The following SH3PXD2A variants were observed in gnomAD, a reference collection of about 807,000 sequenced individuals.
The protein encoded by SH3PXD2A is SH3 and PX domain-containing protein 2A.
In SH3PXD2A, 32 loss-of-function variants were observed where a neutral mutation model predicts 115.2. The observed-to-expected ratio is 0.28, with a 90% confidence interval of 0.21 to 0.37. The LOEUF is 0.37. SH3PXD2A is among the 10% of genes least tolerant of loss of function. The probability of loss-of-function intolerance (pLI) is 1.00; values close to 1 mark genes in which losing one functional copy is unlikely to be tolerated. For synonymous variants in SH3PXD2A, 610 were observed against 629.1 expected (o/e 0.97, Z 0.45); for missense variants, 1,328 against 1,498.7 (o/e 0.89, Z 1.88).
intron 7 of SH3PXD2A, among the ~76,000 whole-genome samples, chr10:103,662,432 G>A (rs994683090): frequency 8.9e-6 from 1 of 112,592 alleles, no homozygotes; most frequent in Non-Finnish European, 1.6e-5. Context: ...TCGCTCTGTC[G>A]CCCAGGCCGG....
intron 14 of SH3PXD2A, among the ~76,000 whole-genome samples, chr10:103,604,644 G>C (rs796373908): frequency 4.0e-4 from 61 of 152,322 alleles, no homozygotes; most frequent in African/African-American, 1.5e-3. Flanking sequence ...GGGCCAAGGA[G>C]GGAGGGAAAG....
chr10:103,777,240 C>T (rs971824706), intron 2 of SH3PXD2A, among the ~76,000 whole-genome samples: 1 of 152,248 alleles, frequency 6.6e-6, no homozygotes, highest in African/African-American at 2.4e-5. Context: ...TCTTATCACC[C>T]CTGTCACCAT....
chr10:103,614,588 T>G (rs1479541289), intron 11 of SH3PXD2A, among the ~76,000 whole-genome samples: 2 of 152,190 alleles, frequency 1.3e-5, no homozygotes, highest in African/African-American at 4.8e-5. Context: ...AGCTTTTCCT[T>G]TTTTCCTCGT....
Position 103,668,660 on chromosome 10 carries a change from G to C in SH3PXD2A, c.428-8C>G. ...CCCAGCTGGACAGCCACACTTCCGAGTCCCCGAGAGCAAGCGGCAGCAGGA... is the reference window on the plus strand; with the variant it reads ...CCCAGCTGGACAGCCACACTTCCGACTCCCCGAGAGCAAGCGGCAGCAGGA... On this transcript the variant is annotated splice_region_variant and splice_polypyrimidine_tract_variant and intron_variant, in intron 6 of 14. Coordinates refer to ENST00000369774, the MANE Select transcript of SH3PXD2A (RefSeq NM_001394015.1). 6.4e-7 allele frequency: 1 copy of C among 1,559,106 alleles called. No individual in the cohort carries two copies. Among genetic ancestry groups the C allele is most frequent in the African/African-American group, 1.4e-5 (1 of 73,446 alleles).
rs763970493 is a variant in SH3PXD2A at position 103,598,365 on chromosome 10, G to C, written c.*3451C>G. The stretch of plus-strand genomic sequence containing the variant: ...AGGAGGAGAGGGGCAACACAGCCAG[G>C]TCTGCTGTCACAAAGAGGGATGAGG... On this transcript the variant is annotated 3_prime_UTR_variant, in exon 15 of 15. Transcript: ENST00000369774. The C allele has an allele frequency of 6.6e-6, 1 of 152,538 alleles. No homozygotes were observed. Among genetic ancestry groups the C allele is most frequent in the Non-Finnish European group, 1.5e-5 (1 of 68,042 alleles). 9.4% of individuals were successfully genotyped at this position (152,538 alleles called of 1,614,324 possible). A position where few individuals can be genotyped will look rare whatever the true frequency, so the allele number is the denominator to read the frequency against.
In SH3PXD2A at chr10:103,627,301, C is replaced by G; in HGVS notation, c.605-99G>C. 1 of 719,468 alleles carries G rather than the reference C, an allele frequency of 1.4e-6. No homozygotes were observed. The highest frequency in any genetic ancestry group is 2.4e-6 in the Non-Finnish European group (1 of 409,082). The allele number at this position is 719,468 out of a possible 1,614,324, so 44.6% of individuals were successfully genotyped here. On this transcript the variant is annotated intron_variant, in intron 8 of 14. Coordinates refer to ENST00000369774, the MANE Select transcript of SH3PXD2A (RefSeq NM_001394015.1). The surrounding 1 kb of genome is among the most constrained non-coding windows in gnomAD (Gnocchi z 4.4). ...AGGATGGAAGGAGAGGCACAAGAAG[C>G]GGAGCATGGAGCCAGATGGCCTGGG...
intron 1 of SH3PXD2A, among the ~76,000 whole-genome samples, chr10:103,851,909 G>A (rs1016952598): frequency 3.3e-5 from 5 of 152,152 alleles, no homozygotes; most frequent in Admixed American, 6.5e-5. Flanking sequence ...TTAGATAAAC[G>A]AGCTTTTCTC....
chr10:103,691,650 G>A (rs2037753094), intron 6 of SH3PXD2A, among the ~76,000 whole-genome samples: 1 of 152,098 alleles, frequency 6.6e-6, no homozygotes. Flanking sequence ...TGATAGGCAA[G>A]TGCACACACA....
intron 5 of SH3PXD2A, among the ~76,000 whole-genome samples, chr10:103,709,926 C>T (rs1490349726): frequency 6.6e-6 from 1 of 151,626 alleles, no homozygotes; most frequent in Non-Finnish European, 1.5e-5. Context: ...ACCAACATGG[C>T]AAAACCTTGT....
intron 2 of SH3PXD2A, among the ~76,000 whole-genome samples, chr10:103,771,070 G>C (rs1377623500): frequency 6.6e-6 from 1 of 151,938 alleles, no homozygotes; most frequent in African/African-American, 2.4e-5. Flanking sequence ...AGAGATGTCT[G>C]AGGAGAGAGG....
At chr10:103,628,339 C>G (rs769872860) in intron 8 of SH3PXD2A, among the ~76,000 whole-genome samples, 21 of 152,300 alleles carry the variant, frequency 1.4e-4, no homozygotes, top group Middle Eastern at 3.4e-3. Flanking sequence ...TCCTGAATGC[C>G]CTCTGTCTCC....
chr10:103,605,617 C>G (rs540183814), intron 14 of SH3PXD2A, among the ~76,000 whole-genome samples, 181 bp downstream of exon 14: 2 of 152,276 alleles, frequency 1.3e-5, no homozygotes, highest in African/African-American at 4.8e-5. Flanking sequence ...GAGCTGGGAT[C>G]TAGTTTAGGC....
chr10:103,612,748 G>GA, intron 12 of SH3PXD2A, 105 bp downstream of exon 12: 1 of 720,854 alleles, frequency 1.4e-6, no homozygotes, highest in Non-Finnish European at 2.2e-6. Context: ...AGCCCAGGAG[G>GA]AAAACGCCAT....
At chr10:103,772,895 T>C (rs2038842068) in intron 2 of SH3PXD2A, among the ~76,000 whole-genome samples, 1 of 152,166 alleles carries the variant, frequency 6.6e-6, no homozygotes, top group Non-Finnish European at 1.5e-5. Context: ...TACAAAAAGC[T>C]GGTGGCTTTC....
At chr10:103,751,186 G>A (rs1589440807) in intron 3 of SH3PXD2A, among the ~76,000 whole-genome samples, 2 of 152,316 alleles carry the variant, frequency 1.3e-5, no homozygotes, top group South Asian at 2.1e-4. Context: ...TTGTGGCTTA[G>A]AAAGAATTCA....
intron 8 of SH3PXD2A, among the ~76,000 whole-genome samples, chr10:103,659,972 G>A (rs142184513): frequency 3.9e-5 from 6 of 152,252 alleles, no homozygotes; most frequent in Admixed American, 6.5e-5. Flanking sequence ...CTGTCTCTAC[G>A]GAGCAGGCAC....
chr10:103,668,186 C>G (rs1380411105), intron 7 of SH3PXD2A, among the ~76,000 whole-genome samples: 1 of 152,242 alleles, frequency 6.6e-6, no homozygotes, highest in Non-Finnish European at 1.5e-5. Flanking sequence ...TGGCTGGGCT[C>G]TCTCACTGAG....
At chr10:103,611,864 A>G (rs937873756) in intron 12 of SH3PXD2A, among the ~76,000 whole-genome samples, 1 of 152,144 alleles carries the variant, frequency 6.6e-6, no homozygotes, top group Non-Finnish European at 1.5e-5. Context: ...AACACTCTAA[A>G]ATTATGTGCA....
chr10:103,679,935 G>A (rs1206462150), intron 6 of SH3PXD2A, among the ~76,000 whole-genome samples: 5 of 152,196 alleles, frequency 3.3e-5, no homozygotes, highest in Admixed American at 1.3e-4. Context: ...TGACAAGGGG[G>A]AGGATGGTGA....
Sources: gnomAD v4.1 joint callset for allele counts (sites outside exome capture counted in the v4.1 genomes callset) on GRCh38, gnomAD v4.1.1 for gene constraint, Gnocchi (gnomAD v3.1) non-coding constraint, MANE v1.5 for transcripts, NCBI Gene and HGNC (gene_info 2026-07-23, HGNC 2026-07-21) for gene names.